The following CNTN1 variants were observed in gnomAD, a reference collection of about 807,000 sequenced individuals.
The protein encoded by CNTN1 is contactin 1.
Under a neutral mutation model 126.4 loss-of-function variants are expected in CNTN1, and 38 were observed. That is an observed-to-expected ratio of 0.30 (90% confidence interval 0.23 to 0.39). The LOEUF (loss-of-function observed/expected upper bound fraction) is 0.39. Among genes scored for constraint, CNTN1 ranks in the 10% least tolerant of loss-of-function variants. The pLI, the probability that CNTN1 is intolerant of heterozygous loss-of-function variation, is 1.00. For synonymous variants in CNTN1, 413 were observed against 422.6 expected, an observed-to-expected ratio of 0.98 and a Z score of 0.28; for missense variants, 1,009 against 1,248.4, an observed-to-expected ratio of 0.81 and a Z score of 2.89.
intron 1 of CNTN1, among the ~76,000 whole-genome samples, chr12:40,906,178 G>A (rs1300825798): frequency 2.6e-5 from 4 of 152,184 alleles, no homozygotes; most frequent in African/African-American, 9.7e-5. Context: ...GGCTGAGGCA[G>A]GAGAATGGCG....
intron 23 of CNTN1, among the ~76,000 whole-genome samples, chr12:41,055,607 G>C (rs1949786419): frequency 6.6e-6 from 1 of 152,114 alleles, no homozygotes; most frequent in Non-Finnish European, 1.5e-5. Flanking sequence ...GACCACAGAA[G>C]TAGTGGGTTC....
intron 1 of CNTN1, among the ~76,000 whole-genome samples, chr12:40,838,001 G>A (rs892018208): frequency 1.3e-5 from 2 of 152,114 alleles, no homozygotes; most frequent in African/African-American, 2.4e-5. Context: ...CGCTGCTACT[G>A]CTTCTCCCCG....
intron 1 of CNTN1, among the ~76,000 whole-genome samples, chr12:40,903,546 G>C (rs1944692340): frequency 6.6e-6 from 1 of 152,100 alleles, no homozygotes; most frequent in South Asian, 2.1e-4. Context: ...TCAGCTTGCT[G>C]CCTTCTCTAC....
chr12:40,954,184 A>T (rs776762847), intron 14 of CNTN1, among the ~76,000 whole-genome samples: 14 of 152,080 alleles, frequency 9.2e-5, no homozygotes, highest in Admixed American at 4.6e-4. Flanking sequence ...GTATGCAGAC[A>T]TTATTCTTTC....
chr12:40,803,405 T>C (rs1025861648), intron 1 of CNTN1, among the ~76,000 whole-genome samples: 1 of 152,006 alleles, frequency 6.6e-6, no homozygotes, highest in Non-Finnish European at 1.5e-5. Context: ...CCACCCAAGC[T>C]TTACCATGAA....
chr12:40,943,567 T>C (rs902056552), intron 12 of CNTN1, 30 bp from the exon 13 acceptor site: 1 of 1,483,428 alleles, frequency 6.7e-7, no homozygotes, highest in Non-Finnish European at 9.4e-7. Context: ...AAATCAGGTT[T>C]GTGAATTATA....
At chr12:40,826,707 A>G (rs572437162) in intron 1 of CNTN1, among the ~76,000 whole-genome samples, 1 of 152,318 alleles carries the variant, frequency 6.6e-6, no homozygotes, top group South Asian at 2.1e-4. Context: ...CCATGATGAC[A>G]CCACCAAGGG....
chr12:40,939,347 C>T lies in CNTN1; in HGVS notation c.1241C>T (p.Thr414Ile), dbSNP rs546323981. 4 of 1,613,736 alleles carry T rather than the reference C, an allele frequency of 2.5e-6. No individual in the cohort carries two copies. Among genetic ancestry groups the T allele is most frequent in the South Asian group, 1.1e-5 (1 of 91,084 alleles). The change falls in exon 12 of 24, where the codon ACT becomes ATT. Residue 414 changes from threonine (T) to isoleucine (I), a missense_variant. Transcript: ENST00000551295. ...GTTTTCTTTTTAGCGTTGGCTCCAA[C>T]TTTTGAAATGAATCCTATGAAGAAA... is the stretch of plus-strand genomic sequence containing the variant. The part of the protein sequence containing the change: ...AELKILALAP[T>I]FEMNPMKKKI...
intron 5 of CNTN1, among the ~76,000 whole-genome samples, chr12:40,923,783 T>A (rs1487642005): frequency 1.3e-5 from 2 of 152,156 alleles, no homozygotes; most frequent in Non-Finnish European, 2.9e-5. Context: ...GAGAAGTAGA[T>A]TTGAAAAGTC....
intron 16 of CNTN1, among the ~76,000 whole-genome samples, chr12:40,990,822 C>A (rs1948079750): frequency 6.6e-6 from 1 of 152,158 alleles, no homozygotes; most frequent in South Asian, 2.1e-4. Context: ...AACACAATAT[C>A]CTCATTCTTT....
chr12:40,995,636 A>G (rs1435735760), intron 17 of CNTN1, among the ~76,000 whole-genome samples: 4 of 152,176 alleles, frequency 2.6e-5, no homozygotes, highest in Admixed American at 1.3e-4. Flanking sequence ...TGTGCTTACA[A>G]AATAACTTCC....
intron 12 of CNTN1, among the ~76,000 whole-genome samples, chr12:40,941,748 T>C (rs1946270826): frequency 6.6e-6 from 1 of 152,148 alleles, no homozygotes; most frequent in South Asian, 2.1e-4. Flanking sequence ...GGAGTAATTT[T>C]GGTACCAATA....
chr12:41,037,244 A>C (rs1184758668), intron 23 of CNTN1, among the ~76,000 whole-genome samples: 1 of 152,214 alleles, frequency 6.6e-6, no homozygotes, highest in Non-Finnish European at 1.5e-5. Context: ...CGTTGAACAT[A>C]AACAGAAAGT....
intron 23 of CNTN1, among the ~76,000 whole-genome samples, chr12:41,047,233 T>C (rs1949563068): frequency 6.6e-6 from 1 of 152,124 alleles, no homozygotes; most frequent in Admixed American, 6.6e-5. Flanking sequence ...AGTCTCTGAT[T>C]AACACGGATC....
chr12:40,811,097 G>C (rs1007947962), intron 1 of CNTN1, among the ~76,000 whole-genome samples: 5 of 152,178 alleles, frequency 3.3e-5, no homozygotes, highest in Admixed American at 3.3e-4. Context: ...CTTAGGTTGT[G>C]TTCATTACTT....
At chr12:40,734,663 C>A (rs114818323) in intron 1 of CNTN1, among the ~76,000 whole-genome samples, 11 of 152,022 alleles carry the variant, frequency 7.2e-5, no homozygotes, top group Non-Finnish European at 1.5e-4. Flanking sequence ...TAATCTGTTA[C>A]CCGGAATTTC....
At chr12:40,990,748 T>A (rs1948078427) in intron 16 of CNTN1, among the ~76,000 whole-genome samples, 2 of 152,222 alleles carry the variant, frequency 1.3e-5, no homozygotes, top group Non-Finnish European at 2.9e-5. Flanking sequence ...AGCAGATACC[T>A]GCCCTTACCT....
At chr12:40,718,558 G>A (rs1478139454) in intron 1 of CNTN1, among the ~76,000 whole-genome samples, 2 of 152,178 alleles carry the variant, frequency 1.3e-5, no homozygotes, top group East Asian at 1.9e-4. Flanking sequence ...ATTCAGTCAT[G>A]CTGGTAGAGC....
intron 1 of CNTN1, among the ~76,000 whole-genome samples, chr12:40,860,004 G>C (rs1049023286): frequency 6.6e-6 from 1 of 151,868 alleles, no homozygotes; most frequent in Non-Finnish European, 1.5e-5. Flanking sequence ...CCTTGAAATA[G>C]AACACCCATT....
Sources: gnomAD v4.1 joint callset for allele counts (sites outside exome capture counted in the v4.1 genomes callset) on GRCh38, gnomAD v4.1.1 for gene constraint, MANE v1.5 for transcripts, NCBI Gene and HGNC (gene_info 2026-07-23, HGNC 2026-07-21) for gene names.